POLR3E: variants seen among roughly 807,000 people sequenced by gnomAD.
POLR3E encodes the protein DNA-directed RNA polymerase III subunit RPC5.
Under a neutral mutation model 96.6 loss-of-function variants are expected in POLR3E, and 41 were observed. That is an observed-to-expected ratio of 0.42 (90% CI 0.33 to 0.55). The LOEUF (loss-of-function observed/expected upper bound fraction) is 0.55. Among genes scored for constraint, POLR3E ranks in the 20% least tolerant of loss-of-function variants. POLR3E has a pLI of 0.06. For synonymous variants in POLR3E, 396 were observed against 383.6 expected, an observed-to-expected ratio of 1.03 and a Z score of -0.38; for missense variants, 849 against 952.1, an observed-to-expected ratio of 0.89 and a Z score of 1.43.
At chr16:22,321,585 C>T (rs1250450424) in intron 13 of POLR3E, among the ~76,000 whole-genome samples, 1 of 152,228 alleles carries the variant, frequency 6.6e-6, no homozygotes, top group Non-Finnish European at 1.5e-5. Flanking sequence ...GGGGTCCTCC[C>T]GTCACACACC....
chr16:22,325,886 C>G lies in POLR3E; in HGVS notation c.1474C>G (p.Pro492Ala). 1 of 1,609,704 alleles carries G rather than the reference C, an allele frequency of 6.2e-7. No individual in the cohort carries two copies. The highest frequency in any genetic ancestry group is 8.5e-7 in the Non-Finnish European group (1 of 1,178,184). ...GGAGCAGCTGCGGGTGCCTGCGGTC[C>G]CGCCCGGTGTGCGGATCAAGGAGGA... ...RKEQLRVPAV[P>A]PGVRIKEEPV... Residue 492 changes from proline to alanine, a missense_variant, in exon 18 of 21, where the codon CCG (proline) becomes GCG (alanine). Pro to Ala is a conservative substitution (Grantham distance 27). Coordinates refer to ENST00000299853, the MANE Select transcript of POLR3E (RefSeq NM_018119.4).
chr16:22,315,640 C>T (rs1037457055), intron 9 of POLR3E, among the ~76,000 whole-genome samples: 4 of 152,022 alleles, frequency 2.6e-5, no homozygotes, highest in African/African-American at 4.8e-5. Flanking sequence ...TCATCTGGTA[C>T]GCTGACTTTA....
At chr16:22,319,870 T>C (rs993951895) in intron 13 of POLR3E, among the ~76,000 whole-genome samples, 1 of 152,174 alleles carries the variant, frequency 6.6e-6, no homozygotes, top group African/African-American at 2.4e-5. Flanking sequence ...TTTCTAGCTA[T>C]TTAAAATTAT....
chr16:22,318,882 G>A lies in POLR3E; in HGVS notation c.922G>A (p.Val308Met), dbSNP rs9934667. Residue 308 changes from valine (V) to methionine (M), a missense_variant, in exon 13 of 21, where the codon GTG becomes ATG. Transcript: ENST00000299853. The surrounding 1 kb of genome is among the most constrained non-coding windows in gnomAD (Gnocchi z 5.0). Reference protein sequence around the residue: ...MSLLGPSIDSVAVLRGIQKVA... With the variant: ...MSLLGPSIDSMAVLRGIQKVA... The stretch of plus-strand genomic sequence containing the variant: ...CCTCCTGGGCCCCTCCATCGATTCC[G>A]TGGCTGTTCTGCGGGGCATCCAGAA... 4.3e-6 allele frequency: 7 copies of A among 1,613,798 alleles called. No homozygotes were observed. Among genetic ancestry groups the A allele is most frequent in the East Asian group, 2.2e-5 (1 of 44,872 alleles).
At chr16:22,324,455 G>GA in intron 15 of POLR3E, 42 bp downstream of exon 15, 1 of 1,610,636 alleles carries the variant, frequency 6.2e-7, no homozygotes, top group Non-Finnish European at 8.5e-7. Flanking sequence ...GCTGCTGCTG[G>GA]AGGGGAGGGG....
intron 14 of POLR3E, among the ~76,000 whole-genome samples, chr16:22,324,010 CCT>C (rs1304039910): frequency 6.6e-6 from 1 of 152,150 alleles, no homozygotes; most frequent in Non-Finnish European, 1.5e-5. Context: ...TGAAGTGCCG[CCT>C]ATGCAGACAG....
rs2048803371 is a variant in POLR3E, at chr16:22,334,183, T to C, written c.*483T>C. ...CTGCTAAGACCTCCACCAATTTCAT[T>C]AAACCAAATTGAATTATTCTATTCT... On this transcript the variant is annotated 3_prime_UTR_variant, in exon 21 of 21. Coordinates refer to ENST00000299853, the MANE Select transcript of POLR3E (RefSeq NM_018119.4). 6.5e-6 allele frequency: 1 copy of C among 152,924 alleles called. No individual in the cohort carries two copies. Among genetic ancestry groups the C allele is most frequent in the Admixed American group, 6.5e-5 (1 of 15,314 alleles). The allele number at this position is 152,924 out of a possible 1,614,324, so 9.5% of individuals were successfully genotyped here. A position where few individuals can be genotyped will look rare whatever the true frequency, so the allele number is the denominator to read the frequency against.
At chr16:22,324,991 G>C (rs1269859521) in intron 16 of POLR3E, among the ~76,000 whole-genome samples, 1 of 151,984 alleles carries the variant, frequency 6.6e-6, no homozygotes, top group African/African-American at 2.4e-5. Flanking sequence ...CTGGGGCCTG[G>C]GGACCAGAGG....
At chr16:22,324,094 G>A (rs1438188131) in intron 14 of POLR3E, among the ~76,000 whole-genome samples, 1 of 142,552 alleles carries the variant, frequency 7.0e-6, no homozygotes, top group East Asian at 2.0e-4. Context: ...GCATCCCCAG[G>A]GAGCGCTGTG....
At chr16:22,304,793 C>G (rs1455365893) in intron 2 of POLR3E, among the ~76,000 whole-genome samples, 1 of 152,204 alleles carries the variant, frequency 6.6e-6, no homozygotes, top group East Asian at 1.9e-4. Flanking sequence ...CCAGGAGGCA[C>G]AGGCCTAGGT....
chr16:22,332,078 G>C lies in POLR3E; in HGVS notation c.1963G>C (p.Glu655Gln), dbSNP rs1274307170. Residue 655 changes from glutamate (E) to glutamine (Q), a missense_variant, in exon 20 of 21, where the codon GAA becomes CAA. Coordinates refer to ENST00000299853, the MANE Select transcript of POLR3E (RefSeq NM_018119.4). ...ACTAAAGCATCGACAGGTTTTGCTT[G>C]AAATTTTTTCCAAAAATTACCGGGT... ...MSDQHRQVLL[E>Q]IFSKNYRVRR... 6.2e-7 allele frequency: 1 copy of C among 1,613,678 alleles called. No individual in the cohort carries two copies. Among genetic ancestry groups the C allele is most frequent in the Admixed American group, 1.7e-5 (1 of 59,964 alleles).
In POLR3E at chr16:22,313,560, C is replaced by G; in HGVS notation, c.365-60C>G. ...TAGGCCTTCACGGGACTTGGTGACT[C>G]TCTTGAGCCAAACTGGGTGGGTTTC... On this transcript the variant is annotated intron_variant, in intron 6 of 20. Coordinates refer to ENST00000299853, the MANE Select transcript of POLR3E (RefSeq NM_018119.4). The surrounding 1 kb of genome is among the most constrained non-coding windows in gnomAD (Gnocchi z 4.1). 2 of 1,143,942 alleles carry G rather than the reference C, an allele frequency of 1.7e-6. No homozygotes were observed. The highest frequency in any genetic ancestry group is 2.0e-4 in the Middle Eastern group (1 of 5,118). 70.9% of individuals were successfully genotyped at this position (1,143,942 alleles called of 1,614,324 possible). A position where few individuals can be genotyped will look rare whatever the true frequency, so the allele number is the denominator to read the frequency against.
At chr16:22,303,216 A>T (rs1445822956) in intron 2 of POLR3E, among the ~76,000 whole-genome samples, 2 of 151,802 alleles carry the variant, frequency 1.3e-5, no homozygotes, top group African/African-American at 2.4e-5. Flanking sequence ...TCACCTCATC[A>T]GGGAGGCCTT....
In POLR3E at chr16:22,317,197, A is replaced by G. The variant is rs766629925; in HGVS notation, c.856A>G (p.Met286Val). The G allele has an allele frequency of 4.3e-6, 7 of 1,612,244 alleles. No individual in the cohort carries two copies. In the East Asian group the frequency reaches 1.6e-4, roughly 36 times the overall value. ...CCTGGCCGATCAGATCAAGATCCTG[A>G]TGAAGAATGGTGGGTGCCTACCCCC... ...LPLADQIKIL[M>V]KNVKVMPFAN... Residue 286 changes from methionine to valine, a missense_variant, in exon 12 of 21, where the codon ATG becomes GTG. Coordinates refer to ENST00000299853, the MANE Select transcript of POLR3E (RefSeq NM_018119.4).
chr16:22,313,072 AAGTCATGATCTTTATC>A lies in POLR3E; in HGVS notation c.365-545_365-530del, dbSNP rs150726363. Among the ~76,000 whole-genome samples the A allele has an allele frequency of 1.6e-3, 245 of 151,934 alleles. 2 individuals are homozygous for A. The highest frequency in any genetic ancestry group is 5.7e-3 in the African/African-American group (238 of 41,422). Reference sequence around the variant, plus strand: ...GCCACATCCCTTGCAGCGGGAGGGAAAGTCATGATCTTTATCAGAGGCCATGTGGACACTCCACCCA... The same window carrying A: ...GCCACATCCCTTGCAGCGGGAGGGAAAGAGGCCATGTGGACACTCCACCCA... On this transcript the variant is annotated intron_variant, in intron 6 of 20. Coordinates refer to ENST00000299853, the MANE Select transcript of POLR3E (RefSeq NM_018119.4). The surrounding 1 kb of genome is among the most constrained non-coding windows in gnomAD (Gnocchi z 4.1).
Position 22,317,129 on chromosome 16 carries a change from C to T in POLR3E, c.788C>T (p.Ala263Val). Residue 263 changes from alanine to valine, a missense_variant, in exon 12 of 21, where the codon GCC becomes GTC. Coordinates refer to ENST00000299853, the MANE Select transcript of POLR3E (RefSeq NM_018119.4). Reference sequence around the variant, plus strand: ...GCTTTTCCCAGAGACAAGCCTGTGGCCCCCAGCAACGTCCTGTCGATGGCC... The same window carrying T: ...GCTTTTCCCAGAGACAAGCCTGTGGTCCCCAGCAACGTCCTGTCGATGGCC... ...SQEEEKDKPV[A>V]PSNVLSMAQL... The T allele has an allele frequency of 1.2e-6, 2 of 1,614,056 alleles. No homozygotes were observed. Among genetic ancestry groups the T allele is most frequent in the Middle Eastern group, 1.6e-4 (1 of 6,062 alleles).
intron 20 of POLR3E, among the ~76,000 whole-genome samples, chr16:22,332,592 G>T (rs913423326): frequency 6.6e-6 from 1 of 152,150 alleles, no homozygotes; most frequent in South Asian, 2.1e-4. Context: ...TAGGTTGGAT[G>T]AGCTTGGCAG....
intron 18 of POLR3E, 73 bp from the exon 19 acceptor site, chr16:22,328,437 G>A: frequency 7.9e-7 from 1 of 1,263,004 alleles, no homozygotes; most frequent in Non-Finnish European, 1.2e-6. Flanking sequence ...GGGGCAGACA[G>A]GGAGGGATGA....
intron 6 of POLR3E, among the ~76,000 whole-genome samples, chr16:22,311,671 T>C (rs559548436): frequency 1.3e-5 from 2 of 151,864 alleles, no homozygotes. Flanking sequence ...TTTTAAAAAA[T>C]TTTTTGTTGA....
Sources: gnomAD v4.1 joint callset for allele counts (sites outside exome capture counted in the v4.1 genomes callset) on GRCh38, gnomAD v4.1.1 for gene constraint, Gnocchi (gnomAD v3.1) non-coding constraint, MANE v1.5 for transcripts, NCBI Gene and HGNC (gene_info 2026-07-23, HGNC 2026-07-21) for gene names.